NRP1: variants seen among roughly 807,000 people sequenced by gnomAD.
NRP1 encodes neuropilin 1.
In NRP1, 35 loss-of-function variants were observed where a neutral mutation model predicts 106.7. That is an observed-to-expected ratio of 0.33 (90% CI 0.25 to 0.43). NRP1 has a LOEUF of 0.43. Among genes scored for constraint, NRP1 ranks in the 20% least tolerant of loss-of-function variants. The probability of loss-of-function intolerance (pLI) is 1.00; values close to 1 mark genes in which losing one functional copy is unlikely to be tolerated. For missense variants in NRP1, 1,024 were observed against 1,170.4 expected, an observed-to-expected ratio of 0.87 and a Z score of 1.83; for synonymous variants, 437 against 417.9, an observed-to-expected ratio of 1.05 and a Z score of -0.56.
chr10:33,300,725 G>A (rs529260264), intron 2 of NRP1, among the ~76,000 whole-genome samples: 2 of 152,284 alleles, frequency 1.3e-5, no homozygotes, highest in South Asian at 4.1e-4. Context: ...AAACTCAAAA[G>A]AATGCAACCA....
chr10:33,247,661 G>A (rs1841523281), intron 6 of NRP1, among the ~76,000 whole-genome samples: 1 of 152,236 alleles, frequency 6.6e-6, no homozygotes, highest in Admixed American at 6.5e-5. Flanking sequence ...GCAAGAGCAT[G>A]CAGTGAAAAA....
chr10:33,332,609 T>C (rs1267762653), intron 1 of NRP1, among the ~76,000 whole-genome samples: 1 of 152,230 alleles, frequency 6.6e-6, no homozygotes, highest in Admixed American at 6.5e-5. Flanking sequence ...CTAGACTCCC[T>C]GGCTCTGTTC....
intron 5 of NRP1, among the ~76,000 whole-genome samples, chr10:33,255,238 A>G (rs771656138): frequency 6.6e-6 from 1 of 152,210 alleles, no homozygotes; most frequent in Non-Finnish European, 1.5e-5. Flanking sequence ...GTAATATAAC[A>G]ATTATTTACA....
chr10:33,202,414 A>G (rs1467588057), intron 11 of NRP1: 1 of 467,648 alleles, frequency 2.1e-6, no homozygotes, highest in Non-Finnish European at 3.7e-6. Flanking sequence ...ACAATGATTT[A>G]CCAAATCCCA....
chr10:33,316,114 TA>T (rs1847016952), intron 2 of NRP1, among the ~76,000 whole-genome samples: 1 of 152,188 alleles, frequency 6.6e-6, no homozygotes, highest in Non-Finnish European at 1.5e-5. Flanking sequence ...CGGGGAACTC[TA>T]AATGCTTCTG....
chr10:33,243,662 CAG>C (rs1841193407), intron 6 of NRP1, among the ~76,000 whole-genome samples: 1 of 152,226 alleles, frequency 6.6e-6, no homozygotes, highest in Admixed American at 6.5e-5. Context: ...TTGGGGTAAA[CAG>C]AGCTGGGAAA....
At chr10:33,316,241 G>A (rs1355609708) in intron 2 of NRP1, among the ~76,000 whole-genome samples, 2 of 152,192 alleles carry the variant, frequency 1.3e-5, no homozygotes, top group Non-Finnish European at 2.9e-5. Flanking sequence ...AGAAGAGATA[G>A]GAGAGACATC....
intron 6 of NRP1, among the ~76,000 whole-genome samples, chr10:33,236,020 T>A (rs542075211): frequency 8.7e-4 from 133 of 152,250 alleles, no homozygotes; most frequent in Non-Finnish European, 1.6e-3. Flanking sequence ...GACTTAGGAG[T>A]TCTTTCCAGG....
chr10:33,217,611 C>A lies in NRP1; in HGVS notation c.1283-3894G>T, dbSNP rs573115167. ...AGCAAATAAACAACAAAACAAGAAA[C>A]AAGATGCCCAGTGAAATTAGAATTC... On this transcript the variant is annotated intron_variant, in intron 8 of 16. Coordinates refer to ENST00000374867, the MANE Select transcript of NRP1 (RefSeq NM_003873.7). 2.6e-5 allele frequency among the ~76,000 whole-genome samples: 4 copies of A among 152,264 alleles called. No homozygotes were observed. The East Asian group carries it at 5.8e-4, about 22-fold the overall frequency.
intron 2 of NRP1, among the ~76,000 whole-genome samples, chr10:33,313,790 C>T (rs1032242133): frequency 1.3e-5 from 2 of 152,142 alleles, no homozygotes; most frequent in Admixed American, 6.5e-5. Flanking sequence ...GAGAGAGCTA[C>T]GGACATGGTC....
At chr10:33,249,515 C>G (rs564687837) in intron 6 of NRP1, 1 of 531,140 alleles carries the variant, frequency 1.9e-6, no homozygotes, top group Non-Finnish European at 3.9e-6. Context: ...AGATTTTGAT[C>G]GCACCACTGA....
At chr10:33,319,553 G>A (rs1364334794) in intron 2 of NRP1, among the ~76,000 whole-genome samples, 7 of 150,348 alleles carry the variant, frequency 4.7e-5, no homozygotes, top group Non-Finnish European at 5.9e-5. Flanking sequence ...TCTTTGCGGT[G>A]GTGCCATCTT....
intron 2 of NRP1, among the ~76,000 whole-genome samples, chr10:33,322,100 T>C (rs1847551676): frequency 6.6e-6 from 1 of 152,050 alleles, no homozygotes; most frequent in Admixed American, 6.6e-5. Flanking sequence ...TCCCTGCTAT[T>C]TACCTGAGAT....
At chr10:33,312,410 T>C (rs1846670183) in intron 2 of NRP1, among the ~76,000 whole-genome samples, 1 of 152,240 alleles carries the variant, frequency 6.6e-6, no homozygotes, top group Non-Finnish European at 1.5e-5. Context: ...AACTAAACCA[T>C]TTCCCAAGGA....
rs140247249 is a variant in NRP1, at chr10:33,180,297, A to G, written c.2551T>C (p.Leu851=). 1 of 1,611,164 alleles carries G rather than the reference A, an allele frequency of 6.2e-7. No homozygotes were observed. Among genetic ancestry groups the G allele is most frequent in the African/African-American group, 1.3e-5 (1 of 74,858 alleles). The change falls in exon 17 of 17, where the codon TTG becomes CTG. Residue 851 remains leucine, a synonymous_variant. Coordinates refer to ENST00000374867, the MANE Select transcript of NRP1 (RefSeq NM_003873.7). The part of the protein sequence containing the change: ...KNISRKPGNV[L]KTLDPILITI... ...ATGAGGATGGGGTCTAAGGTCTTCA[A>G]CACATTGCCTGGCTTCCTGGAGATG...
intron 15 of NRP1, 62 bp from the exon 16 acceptor site, chr10:33,182,810 A>C: frequency 8.8e-7 from 1 of 1,142,070 alleles, no homozygotes; most frequent in South Asian, 1.2e-5. Flanking sequence ...AATGCACCAA[A>C]CTACACAAAC....
intron 8 of NRP1, among the ~76,000 whole-genome samples, chr10:33,221,423 T>G (rs971503981): frequency 1.3e-5 from 2 of 152,160 alleles, no homozygotes; most frequent in African/African-American, 2.4e-5. Flanking sequence ...ATATCCATTA[T>G]CTATTAATAA....
At chr10:33,249,357 A>G (rs1328622454) in intron 6 of NRP1, 4 of 438,746 alleles carry the variant, frequency 9.1e-6, no homozygotes, top group Non-Finnish European at 1.8e-5. Context: ...AAAAGGAAAA[A>G]CTGAAACTGC....
At chr10:33,290,355 T>G (rs561093927) in intron 2 of NRP1, among the ~76,000 whole-genome samples, 3 of 151,758 alleles carry the variant, frequency 2.0e-5, no homozygotes, top group African/African-American at 4.8e-5. Flanking sequence ...GAGGTTTTTT[T>G]TTTTTTTTTT....
Sources: gnomAD v4.1 joint callset for allele counts (sites outside exome capture counted in the v4.1 genomes callset) on GRCh38, gnomAD v4.1.1 for gene constraint, MANE v1.5 for transcripts, NCBI Gene and HGNC (gene_info 2026-07-23, HGNC 2026-07-21) for gene names.